SLC44A5: variants seen among roughly 807,000 people sequenced by gnomAD.
The protein encoded by SLC44A5 is solute carrier family 44 member 5.
SLC44A5 carries 57 observed loss-of-function variants against 101.8 expected under a neutral mutation model. The ratio of observed to expected loss-of-function variants is 0.56; its 90% confidence interval spans 0.45 to 0.70. The LOEUF (loss-of-function observed/expected upper bound fraction) is 0.70. Among genes scored for constraint, SLC44A5 ranks in the 30% least tolerant of loss-of-function variants. The probability of loss-of-function intolerance (pLI) is 0.00; values close to 1 mark genes in which losing one functional copy is unlikely to be tolerated. For synonymous variants in SLC44A5, 281 were observed against 290.9 expected (o/e 0.97, Z 0.35); for missense variants, 737 against 853.1 (o/e 0.86, Z 1.70).
intron 4 of SLC44A5, among the ~76,000 whole-genome samples, chr1:75,323,210 C>T (rs566682179): frequency 5.6e-5 from 7 of 125,132 alleles, no homozygotes; most frequent in South Asian, 2.7e-4. Context: ...TTTGTTCTTG[C>T]GATAGTTTAC....
upstream of SLC44A5, among the ~76,000 whole-genome samples, chr1:75,613,941 A>T (rs896236020): frequency 6.6e-6 from 1 of 152,212 alleles, no homozygotes; most frequent in Non-Finnish European, 1.5e-5. Context: ...TTCTGCCAAG[A>T]TTATTAATTT....
the SLC44A5 span, among the ~76,000 whole-genome samples, chr1:75,651,399 C>A: frequency 3.3e-5 from 5 of 152,090 alleles, no homozygotes; most frequent in Non-Finnish European, 7.4e-5. Context: ...TACTTCTCAC[C>A]CACGAGTCCA....
At chr1:75,628,231 A>G in the SLC44A5 span, among the ~76,000 whole-genome samples, 1 of 152,092 alleles carries the variant, frequency 6.6e-6, no homozygotes, top group Admixed American at 6.6e-5. Flanking sequence ...CTGATTTTAT[A>G]AAACCTTCCC....
At chr1:75,500,621 AC>A (rs1156967441) in intron 2 of SLC44A5, among the ~76,000 whole-genome samples, 4 of 152,222 alleles carry the variant, frequency 2.6e-5, no homozygotes, top group African/African-American at 9.6e-5. Context: ...TAGAACCATT[AC>A]ACATTTTAGG....
At chr1:75,478,577 AC>A (rs1667597370) in intron 2 of SLC44A5, among the ~76,000 whole-genome samples, 1 of 151,408 alleles carries the variant, frequency 6.6e-6, no homozygotes, top group Admixed American at 6.6e-5. Context: ...CAAATGGAAA[AC>A]AAAAAAAGGC....
At chr1:75,566,052 T>G (rs1009970752) in intron 1 of SLC44A5, among the ~76,000 whole-genome samples, 1 of 152,194 alleles carries the variant, frequency 6.6e-6, no homozygotes, top group African/African-American at 2.4e-5. Context: ...TTTATAACAA[T>G]GAACCAGGAA....
At chr1:75,422,348 C>G (rs780191611) in intron 2 of SLC44A5, among the ~76,000 whole-genome samples, 4 of 152,152 alleles carry the variant, frequency 2.6e-5, no homozygotes, top group Non-Finnish European at 5.9e-5. Flanking sequence ...TTATTCATAG[C>G]CTTATCCAGT....
At chr1:75,216,556 T>C (rs1476406026) in intron 18 of SLC44A5, among the ~76,000 whole-genome samples, 2 of 152,072 alleles carry the variant, frequency 1.3e-5, no homozygotes, top group South Asian at 4.1e-4. Context: ...TGACATTCCC[T>C]CCAGCAATAC....
chr1:75,591,303 A>T (rs408340), intron 1 of SLC44A5, among the ~76,000 whole-genome samples: 1 of 151,956 alleles, frequency 6.6e-6, no homozygotes, highest in Non-Finnish European at 1.5e-5. Context: ...ATAAAACAAT[A>T]GGAAAACAAA....
At chr1:75,362,635 A>G (rs1360156463) in intron 3 of SLC44A5, among the ~76,000 whole-genome samples, 2 of 151,964 alleles carry the variant, frequency 1.3e-5, no homozygotes, top group Non-Finnish European at 2.9e-5. Context: ...TATGATTTCT[A>G]GTTTTGTACC....
intron 1 of SLC44A5, among the ~76,000 whole-genome samples, chr1:75,572,050 T>A (rs1673103728): frequency 6.6e-6 from 1 of 152,200 alleles, no homozygotes; most frequent in African/African-American, 2.4e-5. Flanking sequence ...AATGACTTGA[T>A]CAATTAAGTG....
At chr1:75,476,574 A>G (rs1667418122) in intron 2 of SLC44A5, among the ~76,000 whole-genome samples, 1 of 152,224 alleles carries the variant, frequency 6.6e-6, no homozygotes, top group Non-Finnish European at 1.5e-5. Flanking sequence ...CGACAGGCTT[A>G]AAAAACAGTG....
intron 1 of SLC44A5, among the ~76,000 whole-genome samples, chr1:75,579,806 G>A (rs902922455): frequency 9.7e-6 from 1 of 102,830 alleles, no homozygotes; most frequent in Admixed American, 1.1e-4. Flanking sequence ...AGGATTTGGA[G>A]AAGACAAAAT....
At chr1:75,669,645 C>T in the SLC44A5 span, among the ~76,000 whole-genome samples, 13 of 152,222 alleles carry the variant, frequency 8.5e-5, no homozygotes, top group South Asian at 4.1e-4. Context: ...AGAATTCTGA[C>T]GCCACTATAA....
At chr1:75,421,809 G>T (rs1366919361) in intron 2 of SLC44A5, among the ~76,000 whole-genome samples, 1 of 151,794 alleles carries the variant, frequency 6.6e-6, no homozygotes, top group Non-Finnish European at 1.5e-5. Flanking sequence ...ATTCATAAAA[G>T]CTTATGGAAT....
intron 1 of SLC44A5, among the ~76,000 whole-genome samples, chr1:75,595,926 C>T (rs1674605624): frequency 6.6e-6 from 1 of 152,088 alleles, no homozygotes. Flanking sequence ...TTTAGCATCA[C>T]ATTCATTTGT....
At chr1:75,650,651 C>T in the SLC44A5 span, among the ~76,000 whole-genome samples, 1 of 152,184 alleles carries the variant, frequency 6.6e-6, no homozygotes, top group Non-Finnish European at 1.5e-5. Context: ...ATGACAGCTC[C>T]TCAGACAAAT....
At chr1:75,213,653 CTATAGTATTTTTAT>C in intron 22 of SLC44A5, 38 bp downstream of exon 22, 1 of 1,254,394 alleles carries the variant, frequency 8.0e-7, no homozygotes, top group Non-Finnish European at 1.2e-6. Flanking sequence ...GTCATCCAGT[CTATAGTATTTTTAT>C]TATAGCAGCC....
At chr1:75,274,867 C>T (rs1276020770) in intron 6 of SLC44A5, 91 bp downstream of exon 6, 2 of 1,015,216 alleles carry the variant, frequency 2.0e-6, no homozygotes, top group South Asian at 3.0e-5. Context: ...TTTAAATCTT[C>T]TTAAGAAGTC....
Sources: allele counts gnomAD v4.1 joint callset (sites outside exome capture counted in the v4.1 genomes callset), GRCh38; gene constraint gnomAD v4.1.1; transcripts MANE v1.5; gene names NCBI Gene and HGNC (gene_info 2026-07-23, HGNC 2026-07-21).